MBP: variants seen among roughly 807,000 people sequenced by gnomAD.
MBP encodes the protein myelin basic protein, also known as Golli-MBP.
Under a neutral mutation model 35.8 loss-of-function variants are expected in MBP, and 16 were observed. That is an observed-to-expected ratio of 0.45 (90% CI 0.30 to 0.68). MBP has a LOEUF of 0.68. Among genes scored for constraint, MBP ranks in the 30% least tolerant of loss-of-function variants. The probability of loss-of-function intolerance (pLI) is 0.08; values close to 1 mark genes in which losing one functional copy is unlikely to be tolerated. For missense variants in MBP, 380 were observed against 404.7 expected (o/e 0.94, Z 0.52); for synonymous variants, 143 against 159.6 (o/e 0.90, Z 0.78).
rs76107837 is a variant in MBP at position 77,041,970 on chromosome 18, C to T, written c.139+24328G>A. Among the ~76,000 whole-genome samples the T allele has an allele frequency of 5.8e-3, 875 of 151,806 alleles. 28 individuals carry two copies. The East Asian group carries it at 0.072, about 12-fold the overall frequency. ...TGGTCCATAAAAGACCTGCAGGAAC[C>T]CCCAGGAGATTAGTGCCACAGACCC... is the stretch of plus-strand genomic sequence containing the variant. On this transcript the variant is annotated intron_variant, in intron 3 of 8. Transcript: ENST00000355994.
intron 1 of MBP, among the ~76,000 whole-genome samples, chr18:77,126,945 T>C (rs1469470495): frequency 6.6e-6 from 1 of 152,210 alleles, no homozygotes; most frequent in Non-Finnish European, 1.5e-5. Context: ...CTCAACACAG[T>C]AGAACTATTA....
At chr18:77,112,134 T>C (rs566617177) in intron 1 of MBP, among the ~76,000 whole-genome samples, 1 of 149,836 alleles carries the variant, frequency 6.7e-6, no homozygotes, top group Non-Finnish European at 1.5e-5. Context: ...GCTACCAACG[T>C]CACCAAAAAC....
chr18:77,091,340 T>G (rs113542630), intron 2 of MBP, among the ~76,000 whole-genome samples: 2,040 of 152,318 alleles, frequency 0.013, 14 homozygotes, highest in East Asian at 0.031. Context: ...TTTAATAAAT[T>G]CTTTAGTAGC....
At chr18:77,013,903 C>A (rs1971482828) in intron 4 of MBP, 1 of 985,292 alleles carries the variant, frequency 1.0e-6, no homozygotes, top group African/African-American at 1.7e-5. Flanking sequence ...CCAGGCTCTG[C>A]CTCGTGACAC....
chr18:77,031,987 C>T (rs766952362), intron 3 of MBP, among the ~76,000 whole-genome samples: 39 of 152,204 alleles, frequency 2.6e-4, no homozygotes, highest in Middle Eastern at 3.2e-3. Flanking sequence ...GCGATGGCAA[C>T]GACAACAAGT....
intron 3 of MBP, among the ~76,000 whole-genome samples, chr18:77,039,096 C>G (rs764037953): frequency 6.6e-6 from 1 of 152,184 alleles, no homozygotes; most frequent in African/African-American, 2.4e-5. Flanking sequence ...TAAGGGTTCA[C>G]TGAAACACAG....
At chr18:77,034,214 C>G (rs775344468) in intron 3 of MBP, among the ~76,000 whole-genome samples, 1 of 152,008 alleles carries the variant, frequency 6.6e-6, no homozygotes, top group Admixed American at 6.6e-5. Context: ...CAGAGGGGAC[C>G]ATGTGCATGT....
Position 77,101,939 on chromosome 18 carries a change from G to A in MBP, c.51+3272C>T, listed in dbSNP as rs571360851. On this transcript the variant is annotated intron_variant, in intron 2 of 8. Coordinates refer to ENST00000355994, the MANE Select transcript of MBP (RefSeq NM_001025101.2). This position sits in a 1 kb window ranked among gnomAD's most constrained non-coding sequence, Gnocchi z 4.3. ...ATAGGTATGATTCATTTACTCTTTC[G>A]AACATCTGTAAGCCAGTTATGTGCT... Among the ~76,000 whole-genome samples the A allele has an allele frequency of 2.0e-5, 3 of 152,274 alleles. No individual in the cohort carries two copies. Among genetic ancestry groups the A allele is most frequent in the South Asian group, 2.1e-4 (1 of 4,824 alleles).
intron 4 of MBP, chr18:77,013,067 A>G (rs1020733450): frequency 4.1e-6 from 4 of 985,480 alleles, no homozygotes; most frequent in Non-Finnish European, 4.8e-6. Flanking sequence ...CTGGTGACTG[A>G]GCCAGGGTAG....
intron 4 of MBP, among the ~76,000 whole-genome samples, chr18:77,011,354 A>G (rs1971336513): frequency 6.6e-6 from 1 of 152,198 alleles, no homozygotes; most frequent in African/African-American, 2.4e-5. Flanking sequence ...GAGCAAGTGT[A>G]CGCTATGTAC....
At chr18:77,093,838 C>A (rs1272339585) in intron 2 of MBP, among the ~76,000 whole-genome samples, 3 of 152,214 alleles carry the variant, frequency 2.0e-5, no homozygotes, top group Admixed American at 6.5e-5. Flanking sequence ...TGCTGGCTCC[C>A]AAATGCAAAC....
intron 3 of MBP, among the ~76,000 whole-genome samples, chr18:77,021,515 A>G (rs1385250714): frequency 2.4e-5 from 3 of 126,504 alleles, no homozygotes; most frequent in Non-Finnish European, 4.7e-5. Context: ...ATGGAGTCTC[A>G]CTCTGTCGCC....
At chr18:77,043,693 G>A (rs894563747) in intron 3 of MBP, among the ~76,000 whole-genome samples, 8 of 152,196 alleles carry the variant, frequency 5.3e-5, no homozygotes, top group African/African-American at 1.7e-4. Flanking sequence ...ACTTGCGTGC[G>A]TGCCCCGCAC....
chr18:77,064,623 A>G (rs1974115781), intron 3 of MBP, among the ~76,000 whole-genome samples: 1 of 152,248 alleles, frequency 6.6e-6, no homozygotes, highest in Admixed American at 6.5e-5. Context: ...GAATTGTAGA[A>G]AAGAAAGGAC....
intron 8 of MBP, chr18:76,984,175 C>G (rs73968249): frequency 0.022 from 3,326 of 153,394 alleles, 60 homozygotes; most frequent in South Asian, 0.049. Flanking sequence ...ACCTGCCAGC[C>G]GCGTTTTGTG....
At chr18:77,076,658 C>T (rs572195210) in intron 2 of MBP, among the ~76,000 whole-genome samples, 90 of 152,340 alleles carry the variant, frequency 5.9e-4, no homozygotes, top group Admixed American at 1.0e-3. Flanking sequence ...TCCACTCTTC[C>T]TGACCTTCCA....
chr18:77,062,771 C>A (rs555418416), intron 3 of MBP, among the ~76,000 whole-genome samples: 1 of 152,186 alleles, frequency 6.6e-6, no homozygotes, highest in Non-Finnish European at 1.5e-5. Flanking sequence ...AGAGTCAGCA[C>A]CTGGCACAAA....
At chr18:77,029,213 A>G (rs898891193) in intron 3 of MBP, among the ~76,000 whole-genome samples, 15 of 144,448 alleles carry the variant, frequency 1.0e-4, no homozygotes, top group South Asian at 4.5e-4. Flanking sequence ...GCTGGAGACC[A>G]GCCCGGCCAA....
At chr18:77,000,700 T>C (rs1970582113) in intron 4 of MBP, among the ~76,000 whole-genome samples, 1 of 151,808 alleles carries the variant, frequency 6.6e-6, no homozygotes, top group Non-Finnish European at 1.5e-5. Flanking sequence ...AGGAAGAGGG[T>C]TGTTGTTGTT....
Sources: allele counts gnomAD v4.1 joint callset (sites outside exome capture counted in the v4.1 genomes callset), GRCh38; gene constraint gnomAD v4.1.1; non-coding constraint Gnocchi (gnomAD v3.1); transcripts MANE v1.5; gene names NCBI Gene and HGNC (gene_info 2026-07-23, HGNC 2026-07-21).